CDH22: variants seen among roughly 807,000 people sequenced by gnomAD.
The protein encoded by CDH22 is cadherin-22.
A neutral mutation model predicts 58.4 loss-of-function variants in CDH22; 30 were observed. The ratio of observed to expected loss-of-function variants is 0.51; its 90% CI spans 0.38 to 0.70. CDH22 has a LOEUF of 0.70. CDH22 is among the 30% of genes least tolerant of loss of function. The pLI is 0.00. For missense variants in CDH22, 1,014 were observed against 1,233.9 expected, an observed-to-expected ratio of 0.82 and a Z score of 2.67; for synonymous variants, 513 against 558.2, an observed-to-expected ratio of 0.92 and a Z score of 1.14.
At chr20:46,248,278 G>A (rs1035853115) in intron 2 of CDH22, among the ~76,000 whole-genome samples, 4 of 152,162 alleles carry the variant, frequency 2.6e-5, no homozygotes, top group African/African-American at 4.8e-5. Context: ...GTCAGCAGCC[G>A]GTTTTCTCAT....
intron 3 of CDH22, among the ~76,000 whole-genome samples, chr20:46,236,501 A>G (rs1289187213): frequency 7.1e-6 from 1 of 141,756 alleles, no homozygotes; most frequent in Non-Finnish European, 1.5e-5. Context: ...AAATATATAG[A>G]TATATATTTA....
At chr20:46,256,421 G>A (rs1407668366) in intron 1 of CDH22, among the ~76,000 whole-genome samples, 22 of 152,152 alleles carry the variant, frequency 1.4e-4, no homozygotes, top group Non-Finnish European at 2.9e-5. Flanking sequence ...CTGAAGTGAG[G>A]GACAGAGGGG....
At chr20:46,275,578 G>T (rs1302487410) in intron 1 of CDH22, among the ~76,000 whole-genome samples, 1 of 152,114 alleles carries the variant, frequency 6.6e-6, no homozygotes, top group Non-Finnish European at 1.5e-5. Context: ...ATCTTTGTTG[G>T]TTCAATTCAC....
At chr20:46,223,566 T>C (rs1179082849) in intron 4 of CDH22, among the ~76,000 whole-genome samples, 1 of 152,210 alleles carries the variant, frequency 6.6e-6, no homozygotes, top group Non-Finnish European at 1.5e-5. Flanking sequence ...GCACTTGGTC[T>C]CTGCCCCAAG....
At chr20:46,188,650 T>C (rs899065958) in intron 8 of CDH22, among the ~76,000 whole-genome samples, 6 of 152,216 alleles carry the variant, frequency 3.9e-5, no homozygotes, top group Non-Finnish European at 5.9e-5. Context: ...CGAAGGGTCC[T>C]ATTAGCAATA....
chr20:46,178,281 G>A (rs2085756142), intron 10 of CDH22, 84 bp from the exon 11 acceptor site: 6 of 1,487,274 alleles, frequency 4.0e-6, no homozygotes, highest in Middle Eastern at 1.8e-4. Flanking sequence ...TGCATCGTGA[G>A]ATTTGCCTCC....
chr20:46,279,506 T>C (rs921747882), intron 1 of CDH22, among the ~76,000 whole-genome samples: 5 of 152,180 alleles, frequency 3.3e-5, no homozygotes, highest in African/African-American at 1.2e-4. Flanking sequence ...AAAACGTTGT[T>C]GGAGAGAAAA....
At chr20:46,223,666 C>CTTCT (rs369876048) in intron 4 of CDH22, among the ~76,000 whole-genome samples, 20,454 of 115,390 alleles carry the variant, frequency 0.18, 1,966 homozygotes, top group East Asian at 0.26. Flanking sequence ...TTTTTCTTTC[C>CTTCT]TTCTTTCTTT....
intron 7 of CDH22, among the ~76,000 whole-genome samples, chr20:46,204,726 G>C (rs1209244739): frequency 2.6e-5 from 4 of 152,048 alleles, no homozygotes; most frequent in Non-Finnish European, 2.9e-5. Flanking sequence ...TCCTCTTAAG[G>C]AGCCAGCCAG....
At chr20:46,267,198 T>C (rs1041774552) in intron 1 of CDH22, among the ~76,000 whole-genome samples, 3 of 152,192 alleles carry the variant, frequency 2.0e-5, no homozygotes, top group African/African-American at 7.2e-5. Flanking sequence ...CCAGAGCCTG[T>C]CCTCAGTCTG....
chr20:46,264,874 A>G (rs867512905), intron 1 of CDH22, among the ~76,000 whole-genome samples: 4 of 151,372 alleles, frequency 2.6e-5, no homozygotes, highest in Non-Finnish European at 5.9e-5. Flanking sequence ...CACCGTGCGC[A>G]CACACACACA....
intron 1 of CDH22, among the ~76,000 whole-genome samples, chr20:46,304,037 G>C (rs1222175612): frequency 6.6e-6 from 1 of 152,160 alleles, no homozygotes; most frequent in African/African-American, 2.4e-5. Context: ...TAGAGATTAG[G>C]ATGAAATGAA....
intron 3 of CDH22, among the ~76,000 whole-genome samples, chr20:46,233,096 A>T (rs947876942): frequency 1.2e-4 from 19 of 152,160 alleles, no homozygotes; most frequent in African/African-American, 4.6e-4. Context: ...GAGCAAATAG[A>T]ACAGAGACAG....
rs1465708037 is a variant in CDH22, at chr20:46,186,818, A to T, written c.1545+8T>A. 5 of 1,599,604 alleles carry T rather than the reference A, an allele frequency of 3.1e-6. No individual in the cohort carries two copies. The African/African-American group carries it at 6.7e-5, about 21-fold the overall frequency. Reference sequence around the variant, plus strand: ...AGCAACGCCCAGTCCCCACCCCCTCAGGGGTACCTGGCCTGGCTTGGCATC... The same window carrying T: ...AGCAACGCCCAGTCCCCACCCCCTCTGGGGTACCTGGCCTGGCTTGGCATC... On this transcript the variant is annotated splice_region_variant and intron_variant, in intron 9 of 11. Transcript: ENST00000537909.
intron 1 of CDH22, among the ~76,000 whole-genome samples, chr20:46,269,172 G>T (rs1490300919): frequency 6.6e-6 from 1 of 152,170 alleles, no homozygotes; most frequent in Non-Finnish European, 1.5e-5. Context: ...TGCCACCACA[G>T]CAGGCTGCCT....
chr20:46,277,125 G>A (rs1366135595), intron 1 of CDH22, among the ~76,000 whole-genome samples: 1 of 148,674 alleles, frequency 6.7e-6, no homozygotes, highest in Non-Finnish European at 1.5e-5. Flanking sequence ...CCTGTCTCTA[G>A]TGAGACTCCA....
chr20:46,266,136 C>T (rs1344728780), intron 1 of CDH22, among the ~76,000 whole-genome samples: 1 of 152,160 alleles, frequency 6.6e-6, no homozygotes, highest in Non-Finnish European at 1.5e-5. Context: ...TTAGAGGATT[C>T]CTGGGGCAGA....
chr20:46,233,990 T>G (rs554213959), intron 3 of CDH22, among the ~76,000 whole-genome samples: 3 of 152,248 alleles, frequency 2.0e-5, no homozygotes, highest in Non-Finnish European at 4.4e-5. Context: ...ACGGGACAAT[T>G]GGAGGCTCCC....
chr20:46,249,226 A>C (rs2145735458), intron 2 of CDH22, among the ~76,000 whole-genome samples: 1 of 152,290 alleles, frequency 6.6e-6, no homozygotes, highest in African/African-American at 2.4e-5. Flanking sequence ...CAAAGCCTTC[A>C]TTCTTAGCTG....
Sources: allele counts gnomAD v4.1 joint callset (sites outside exome capture counted in the v4.1 genomes callset), GRCh38; gene constraint gnomAD v4.1.1; transcripts MANE v1.5; gene names NCBI Gene and HGNC (gene_info 2026-07-23, HGNC 2026-07-21).